PHF2: variants seen among roughly 807,000 people sequenced by gnomAD.
PHF2 encodes PHD finger protein 2.
A neutral mutation model predicts 120.5 loss-of-function variants in PHF2; 27 were observed. The ratio of observed to expected loss-of-function variants is 0.22; its 90% CI spans 0.17 to 0.31. PHF2 has a LOEUF of 0.31. Ranked by LOEUF, PHF2 falls within the 10% of genes least tolerant of loss-of-function variation. PHF2 has a pLI of 1.00. For missense variants in PHF2, 1,024 were observed against 1,434.8 expected (o/e 0.71, Z 4.63); for synonymous variants, 568 against 592.5 (o/e 0.96, Z 0.60).
In PHF2 at chr9:93,586,541, C is replaced by T. The variant is rs552571538; in HGVS notation, c.98+9670C>T. Among the ~76,000 whole-genome samples the T allele has an allele frequency of 4.6e-5, 7 of 152,368 alleles. No individual in the cohort carries two copies. The South Asian group carries it at 8.3e-4, about 18-fold the overall frequency. On this transcript the variant is annotated intron_variant, in intron 1 of 21. Transcript: ENST00000359246. ...CCCCCACTCCTCCCATGCCAGCCAA[C>T]GTACAGGCCGGATGGGAACAGTCTG...
intron 19 of PHF2, 66 bp from the exon 20 acceptor site, chr9:93,675,614 C>T: frequency 1.5e-6 from 2 of 1,326,778 alleles, no homozygotes; most frequent in African/African-American, 1.4e-5. Flanking sequence ...CAGGGTAGCC[C>T]CAAACCAGGA....
chr9:93,614,048 G>A (rs1825682159), intron 1 of PHF2, among the ~76,000 whole-genome samples: 1 of 152,218 alleles, frequency 6.6e-6, no homozygotes. Context: ...ATGAAGGAAG[G>A]CACTGAGTTA....
intron 1 of PHF2, among the ~76,000 whole-genome samples, chr9:93,621,900 A>G (rs1409648367): frequency 6.6e-6 from 1 of 151,972 alleles, no homozygotes; most frequent in Non-Finnish European, 1.5e-5. Flanking sequence ...TTCCCTCTGC[A>G]CCCTTAGAGC....
chr9:93,580,314 C>G (rs976913914), intron 1 of PHF2, among the ~76,000 whole-genome samples: 1 of 152,188 alleles, frequency 6.6e-6, no homozygotes, highest in African/African-American at 2.4e-5. Flanking sequence ...AGGCCGGTTG[C>G]CTTCGGAGGT....
intron 9 of PHF2, among the ~76,000 whole-genome samples, chr9:93,657,032 C>T (rs891967314): frequency 4.6e-5 from 7 of 152,072 alleles, no homozygotes; most frequent in Admixed American, 1.3e-4. Context: ...GCTTGTGGCT[C>T]GGTGGCCCTC....
rs1003934571 is a variant in PHF2 at position 93,597,222 on chromosome 9, C to T, written c.98+20351C>T. ...GGGATTACAGGTGTGAGCCATCGCG[C>T]CTGGCCTCTGCCAAGTTTTAAAAAA... On this transcript the variant is annotated intron_variant, in intron 1 of 21. Coordinates refer to ENST00000359246, the MANE Select transcript of PHF2 (RefSeq NM_005392.4). 2.6e-5 allele frequency among the ~76,000 whole-genome samples: 4 copies of T among 152,318 alleles called. No individual in the cohort carries two copies. The South Asian group carries it at 8.3e-4, about 32-fold the overall frequency.
chr9:93,648,653 TCA>T (rs1826304598), intron 4 of PHF2, among the ~76,000 whole-genome samples: 1 of 152,254 alleles, frequency 6.6e-6, no homozygotes, highest in African/African-American at 2.4e-5. Context: ...CTGCCAATTC[TCA>T]GAGTAATGAA....
chr9:93,637,238 C>T (rs1826108454), intron 3 of PHF2, among the ~76,000 whole-genome samples: 1 of 152,190 alleles, frequency 6.6e-6, no homozygotes, highest in South Asian at 2.1e-4. Context: ...TCCAATGGAA[C>T]TCTTGTTCTG....
intron 3 of PHF2, among the ~76,000 whole-genome samples, chr9:93,641,797 T>TA (rs2131668780): frequency 6.6e-6 from 1 of 152,360 alleles, no homozygotes; most frequent in Non-Finnish European, 1.5e-5. Context: ...AAGTCTAACT[T>TA]ACCTCTTTTT....
chr9:93,620,650 T>C (rs1160675418), intron 1 of PHF2, among the ~76,000 whole-genome samples: 1 of 152,258 alleles, frequency 6.6e-6, no homozygotes, highest in Non-Finnish European at 1.5e-5. Context: ...TGTTTTTGTC[T>C]CTGAAATAAT....
chr9:93,626,937 T>C (rs1825923668), intron 1 of PHF2, among the ~76,000 whole-genome samples: 1 of 152,250 alleles, frequency 6.6e-6, no homozygotes, highest in Admixed American at 6.5e-5. Flanking sequence ...CATTGATCTA[T>C]ATGTCTATCC....
At chr9:93,641,262 A>G (rs1826168265) in intron 3 of PHF2, among the ~76,000 whole-genome samples, 1 of 152,216 alleles carries the variant, frequency 6.6e-6, no homozygotes, top group South Asian at 2.1e-4. Context: ...AACACTCTGG[A>G]TGTATTTAAA....
At chr9:93,661,493 AGATG>A (rs1382579560) in intron 12 of PHF2, among the ~76,000 whole-genome samples, 3 of 152,140 alleles carry the variant, frequency 2.0e-5, no homozygotes, top group Admixed American at 6.5e-5. Context: ...ATGGCTGGAT[AGATG>A]GATGGTTGAA....
chr9:93,625,191 G>T (rs116026797), intron 1 of PHF2, among the ~76,000 whole-genome samples: 2 of 152,234 alleles, frequency 1.3e-5, no homozygotes, highest in East Asian at 3.9e-4. Flanking sequence ...TATACCTATT[G>T]TAAACATATT....
intron 3 of PHF2, among the ~76,000 whole-genome samples, chr9:93,639,506 G>A (rs1283076502): frequency 6.6e-6 from 1 of 152,014 alleles, no homozygotes; most frequent in East Asian, 1.9e-4. Context: ...ATATGACCAT[G>A]TCATTTGCAA....
intron 16 of PHF2, 83 bp from the exon 17 acceptor site, chr9:93,666,997 G>A: frequency 8.6e-7 from 1 of 1,164,276 alleles, no homozygotes; most frequent in Non-Finnish European, 1.2e-6. Flanking sequence ...TCCCTGAAGG[G>A]AAAAAGTATC....
chr9:93,634,987 G>A (rs116441596), intron 2 of PHF2, among the ~76,000 whole-genome samples: 4,376 of 152,238 alleles, frequency 0.029, 204 homozygotes, highest in African/African-American at 0.098. Context: ...TAGTAAAGAC[G>A]AGGCACAGAG....
intron 17 of PHF2, chr9:93,671,207 GGCACA>G: frequency 1.0e-6 from 1 of 974,578 alleles, no homozygotes; most frequent in Non-Finnish European, 1.2e-6. Flanking sequence ...TGTGGGAGTA[GGCACA>G]GGTGTAGTTG....
At chr9:93,579,377 C>T (rs191845156) in intron 1 of PHF2, among the ~76,000 whole-genome samples, 60 of 152,124 alleles carry the variant, frequency 3.9e-4, no homozygotes, top group Non-Finnish European at 6.6e-4. Flanking sequence ...GTACAGTTTC[C>T]CTGTATCCTT....
Sources: gnomAD v4.1 joint callset for allele counts (sites outside exome capture counted in the v4.1 genomes callset) on GRCh38, gnomAD v4.1.1 for gene constraint, MANE v1.5 for transcripts, NCBI Gene and HGNC (gene_info 2026-07-23, HGNC 2026-07-21) for gene names.